ATP10A: variants seen among roughly 807,000 people sequenced by gnomAD.
ATP10A encodes ATPase phospholipid transporting 10A (putative).
Under a neutral mutation model 147.8 loss-of-function variants are expected in ATP10A, and 111 were observed. The observed-to-expected ratio is 0.75, with a 90% CI of 0.64 to 0.88. ATP10A has a LOEUF of 0.88. ATP10A is among the 40% of genes least tolerant of loss of function. The probability of loss-of-function intolerance (pLI) is 0.00; values close to 1 mark genes in which losing one functional copy is unlikely to be tolerated. For synonymous variants in ATP10A, 875 were observed against 841.6 expected (o/e 1.04, Z -0.69); for missense variants, 1,927 against 1,959.0 (o/e 0.98, Z 0.31).
intron 1 of ATP10A, among the ~76,000 whole-genome samples, chr15:25,824,407 G>A (rs1324461591): frequency 1.3e-5 from 2 of 150,600 alleles, no homozygotes; most frequent in Non-Finnish European, 2.9e-5. Flanking sequence ...CCAGGTGGTT[G>A]AGGCTACAGA....
At chr15:25,808,100 G>A (rs990826547) in intron 1 of ATP10A, among the ~76,000 whole-genome samples, 2 of 152,216 alleles carry the variant, frequency 1.3e-5, no homozygotes, top group South Asian at 4.1e-4. Flanking sequence ...CATGCTGGAC[G>A]TAATAAACGT....
chr15:25,714,378 T>C (rs1901648847), intron 9 of ATP10A, 137 bp from the exon 10 acceptor site: 1 of 724,650 alleles, frequency 1.4e-6, no homozygotes, highest in Non-Finnish European at 2.3e-6. Flanking sequence ...AGAGCACAGA[T>C]TTCCCATTTC....
intron 1 of ATP10A, among the ~76,000 whole-genome samples, chr15:25,816,689 G>T (rs978740826): frequency 3.3e-5 from 5 of 152,090 alleles, no homozygotes; most frequent in Non-Finnish European, 7.4e-5. Context: ...TTCTGAGACG[G>T]TATGATATTG....
At chr15:25,810,965 C>T (rs1891402548) in intron 1 of ATP10A, among the ~76,000 whole-genome samples, 1 of 152,140 alleles carries the variant, frequency 6.6e-6, no homozygotes, top group Admixed American at 6.5e-5. Flanking sequence ...AGAAGCCTAG[C>T]TTTACATATA....
chr15:25,824,873 C>A (rs1892052956), intron 1 of ATP10A, among the ~76,000 whole-genome samples: 1 of 152,122 alleles, frequency 6.6e-6, no homozygotes, highest in Admixed American at 6.5e-5. Flanking sequence ...TTAAAACCAG[C>A]CACTAGGCCA....
At chr15:25,834,144 T>A (rs12594195) in intron 1 of ATP10A, among the ~76,000 whole-genome samples, 24,792 of 152,174 alleles carry the variant, frequency 0.16, 2,328 homozygotes, top group Middle Eastern at 0.32. Flanking sequence ...TTTTACACCA[T>A]AAATATACAC....
intron 2 of ATP10A, among the ~76,000 whole-genome samples, chr15:25,750,443 A>G (rs1185139966): frequency 2.0e-5 from 3 of 152,148 alleles, no homozygotes; most frequent in Admixed American, 6.5e-5. Context: ...TACCAGAAAA[A>G]AATGATAAAG....
intron 10 of ATP10A, 122 bp downstream of exon 10, chr15:25,713,552 G>A: frequency 9.7e-7 from 1 of 1,029,690 alleles, no homozygotes; most frequent in Non-Finnish European, 1.4e-6. Flanking sequence ...ATTCTCCAAT[G>A]GGCATTTCTG....
chr15:25,777,096 C>CGTGCGT (rs1555468163), intron 2 of ATP10A, among the ~76,000 whole-genome samples: 1 of 149,698 alleles, frequency 6.7e-6, no homozygotes, highest in Non-Finnish European at 1.5e-5. Context: ...TGCATACGTG[C>CGTGCGT]GTGTGTGTGT....
At chr15:25,746,498 G>C (rs959649711) in intron 2 of ATP10A, among the ~76,000 whole-genome samples, 2 of 152,032 alleles carry the variant, frequency 1.3e-5, no homozygotes, top group Admixed American at 1.3e-4. Flanking sequence ...TAACCTAATG[G>C]ACACGTATAA....
chr15:25,791,909 TGGCTAA>T (rs1890443765), intron 1 of ATP10A, among the ~76,000 whole-genome samples: 4 of 152,236 alleles, frequency 2.6e-5, no homozygotes, highest in Admixed American at 2.6e-4. Flanking sequence ...TCTCCAGGCC[TGGCTAA>T]GACAGTCACC....
At chr15:25,754,117 TTTGTTTGTTTGTTTTTGG>T (rs1888297318) in intron 2 of ATP10A, among the ~76,000 whole-genome samples, 1 of 151,916 alleles carries the variant, frequency 6.6e-6, no homozygotes. Flanking sequence ...GGTTTTTTAT[TTTGTTTGTTTGTTTTTGG>T]TTGTTTGTTT....
intron 1 of ATP10A, among the ~76,000 whole-genome samples, chr15:25,783,576 T>C (rs958246923): frequency 2.0e-5 from 3 of 152,168 alleles, no homozygotes; most frequent in Non-Finnish European, 4.4e-5. Context: ...CTCTACTTTT[T>C]TTAAATCCTC....
chr15:25,711,829 G>A (rs991275448), intron 10 of ATP10A, among the ~76,000 whole-genome samples: 5 of 152,138 alleles, frequency 3.3e-5, no homozygotes, highest in Non-Finnish European at 5.9e-5. Context: ...GAGGCTCCCC[G>A]GCCTGGGCAG....
intron 2 of ATP10A, among the ~76,000 whole-genome samples, chr15:25,743,436 T>G (rs772191424): frequency 1.3e-5 from 2 of 152,138 alleles, no homozygotes; most frequent in African/African-American, 4.8e-5. Context: ...CCTGGAGGTA[T>G]GAAGGATTTA....
chr15:25,710,453 C>T (rs1395303911), intron 10 of ATP10A: 1 of 152,210 alleles, frequency 6.6e-6, no homozygotes, highest in Non-Finnish European at 1.5e-5. Context: ...ACAGCTGCAC[C>T]TGACAGTGGG....
chr15:25,779,940 GCCTGCCGCA>G (rs1889822018), intron 2 of ATP10A, among the ~76,000 whole-genome samples: 2 of 151,332 alleles, frequency 1.3e-5, no homozygotes, highest in Non-Finnish European at 2.9e-5. Flanking sequence ...TCAGGCAGAC[GCCTGCCGCA>G]GGCAGGCCGG....
intron 1 of ATP10A, among the ~76,000 whole-genome samples, chr15:25,813,556 T>C (rs1027945127): frequency 4.6e-5 from 7 of 151,660 alleles, no homozygotes; most frequent in African/African-American, 1.5e-4. Flanking sequence ...CATCAATCAA[T>C]AGAAAAAGAT....
At chr15:25,710,478 C>G (rs779397348) in intron 10 of ATP10A, 8 of 152,196 alleles carry the variant, frequency 5.3e-5, no homozygotes, top group Non-Finnish European at 1.0e-4. Context: ...ACCTGATGTT[C>G]CCACCAGGAG....
Sources: gnomAD v4.1 joint callset for allele counts (sites outside exome capture counted in the v4.1 genomes callset) on GRCh38, gnomAD v4.1.1 for gene constraint, MANE v1.5 for transcripts, NCBI Gene and HGNC (gene_info 2026-07-23, HGNC 2026-07-21) for gene names.